Variants in HOOK1 observed in about 807,000 individuals in gnomAD.
The protein encoded by HOOK1 is protein Hook homolog 1.
A neutral mutation model predicts 112.8 loss-of-function variants in HOOK1; 60 were observed. The ratio of observed to expected loss-of-function variants is 0.53; its 90% CI spans 0.43 to 0.66. The LOEUF is 0.66. HOOK1 is among the 30% of genes least tolerant of loss of function. HOOK1 has a pLI of 0.00. For missense variants in HOOK1, 770 were observed against 856.0 expected, an observed-to-expected ratio of 0.90 and a Z score of 1.25; for synonymous variants, 294 against 283.8, an observed-to-expected ratio of 1.04 and a Z score of -0.36.
At position 59,875,046 on chromosome 1, in the gene HOOK1, AT is replaced by A. The variant is rs1168137857; in HGVS notation, c.*2082del. 1.3e-5 allele frequency: 2 copies of A among 152,548 alleles called. No individual in the cohort carries two copies. Among genetic ancestry groups the A allele is most frequent in the Admixed American group, 1.3e-4 (2 of 15,274 alleles). 9.4% of individuals were successfully genotyped at this position (152,548 alleles called of 1,614,324 possible). ...AATAAGCCTTTGAAAATATTTTAGCATGGTATTTAACATTTTCTAAATATTA... is the reference window on the plus strand; with the variant it reads ...AATAAGCCTTTGAAAATATTTTAGCAGGTATTTAACATTTTCTAAATATTA... On this transcript the variant is annotated 3_prime_UTR_variant, in exon 22 of 22. Coordinates refer to ENST00000371208, the MANE Select transcript of HOOK1 (RefSeq NM_015888.6).
intron 4 of HOOK1, among the ~76,000 whole-genome samples, chr1:59,832,921 T>C (rs979812250): frequency 1.3e-5 from 2 of 152,094 alleles, no homozygotes; most frequent in African/African-American, 4.8e-5. Flanking sequence ...AAGAACCCTT[T>C]TAATCAGCTA....
intron 12 of HOOK1, among the ~76,000 whole-genome samples, chr1:59,851,455 T>G (rs1391629649): frequency 1.3e-5 from 2 of 151,632 alleles, no homozygotes; most frequent in African/African-American, 4.8e-5. Flanking sequence ...CAATATCATT[T>G]TTGGATTTGT....
At position 59,873,187 on chromosome 1, in the gene HOOK1, G is replaced by A; in HGVS notation, c.*222G>A. 1 of 359,176 alleles carries A rather than the reference G, an allele frequency of 2.8e-6. No homozygotes were observed. The allele number at this position is 359,176 out of a possible 1,614,324, so 22.2% of individuals were successfully genotyped here. A position where few individuals can be genotyped will look rare whatever the true frequency, so the allele number is the denominator to read the frequency against. On this transcript the variant is annotated 3_prime_UTR_variant, in exon 22 of 22. Transcript: ENST00000371208. ...GAGGGAGCACATTTGAATAATTGGA[G>A]ATGCAGTTATACACACATTTCAAAC...
At chr1:59,853,374 T>C (rs2098408295) in intron 12 of HOOK1, among the ~76,000 whole-genome samples, 1 of 152,088 alleles carries the variant, frequency 6.6e-6, no homozygotes, top group Admixed American at 6.6e-5. Context: ...TTACAATATT[T>C]ATCTTAAAGT....
chr1:59,816,222 A>G (rs775761094), intron 1 of HOOK1, among the ~76,000 whole-genome samples: 2 of 152,228 alleles, frequency 1.3e-5, no homozygotes. Context: ...ATCTAGGTTT[A>G]TGGAAATGTG....
intron 2 of HOOK1, among the ~76,000 whole-genome samples, chr1:59,823,703 G>T (rs2098387650): frequency 6.6e-6 from 1 of 152,186 alleles, no homozygotes; most frequent in South Asian, 2.1e-4. Flanking sequence ...CTATGCTCTA[G>T]CACTGGACCT....
chr1:59,847,790 G>A (rs930226545), intron 10 of HOOK1, among the ~76,000 whole-genome samples: 6 of 151,644 alleles, frequency 4.0e-5, no homozygotes, highest in Admixed American at 2.0e-4. Flanking sequence ...ACCTGCTTGC[G>A]ATAGTGAAGT....
At chr1:59,865,277 C>G (rs1451027066) in intron 18 of HOOK1, 32 bp downstream of exon 18, 1 of 1,323,788 alleles carries the variant, frequency 7.6e-7, no homozygotes, top group South Asian at 1.2e-5. Context: ...GATCAGACAA[C>G]AGTATATCTA....
At chr1:59,829,804 T>G (rs1205352166) in intron 3 of HOOK1, among the ~76,000 whole-genome samples, 3 of 152,068 alleles carry the variant, frequency 2.0e-5, no homozygotes, top group Non-Finnish European at 4.4e-5. Flanking sequence ...TTTTCTTGCT[T>G]CTTAAGGTGG....
Position 59,873,063 on chromosome 1 carries a change from G to T in HOOK1, c.*98G>T. ...CAACTAACTACCAGATTGAAAAAGA[G>T]TTTATGATGCGGGATATCAGGTATT... On this transcript the variant is annotated 3_prime_UTR_variant, in exon 22 of 22. Coordinates refer to ENST00000371208, the MANE Select transcript of HOOK1 (RefSeq NM_015888.6). The T allele has an allele frequency of 1.0e-6, 1 of 967,060 alleles. No homozygotes were observed. Among genetic ancestry groups the T allele is most frequent in the South Asian group, 3.9e-5 (1 of 25,594 alleles). The allele number at this position is 967,060 out of a possible 1,614,324, so 59.9% of individuals were successfully genotyped here. A position where few individuals can be genotyped will look rare whatever the true frequency, so the allele number is the denominator to read the frequency against.
At position 59,855,382 on chromosome 1, in the gene HOOK1, G is replaced by A. The variant is rs112270611; in HGVS notation, c.1243-3046G>A. On this transcript the variant is annotated intron_variant, in intron 12 of 21. Transcript: ENST00000371208. Reference sequence around the variant, plus strand: ...TAGCTTCCACTTGTGAGAACACGTGGTATTTGGTTTTCTGTTCCTGTGTTA... The same window carrying A: ...TAGCTTCCACTTGTGAGAACACGTGATATTTGGTTTTCTGTTCCTGTGTTA... 7.1e-3 allele frequency among the ~76,000 whole-genome samples: 1,081 copies of A among 152,240 alleles called. 7 individuals carry two copies. Among genetic ancestry groups the A allele is most frequent in the Middle Eastern group, 0.034 (10 of 294 alleles).
intron 20 of HOOK1, among the ~76,000 whole-genome samples, chr1:59,870,630 G>A (rs77789279): frequency 0.016 from 2,505 of 152,104 alleles, 81 homozygotes; most frequent in African/African-American, 0.058. Flanking sequence ...AACTTTATAG[G>A]CAACTTAAAA....
intron 11 of HOOK1, 127 bp downstream of exon 11, chr1:59,848,643 A>G: frequency 3.3e-6 from 2 of 613,478 alleles, no homozygotes; most frequent in Non-Finnish European, 5.5e-6. Context: ...ACTTATTCTG[A>G]TGAATTTCTT....
chr1:59,836,724 A>G (rs1029577920), intron 6 of HOOK1, 149 bp from the exon 7 acceptor site: 8 of 479,622 alleles, frequency 1.7e-5, no homozygotes, highest in Middle Eastern at 5.5e-4. Context: ...GGCTCTAATA[A>G]AGTTTTTATC....
intron 15 of HOOK1, among the ~76,000 whole-genome samples, chr1:59,861,893 G>T (rs1486249438): frequency 6.6e-6 from 1 of 152,094 alleles, no homozygotes; most frequent in African/African-American, 2.4e-5. Flanking sequence ...GTTAAAAGAA[G>T]AATAACAATT....
At chr1:59,848,933 AG>A (rs1295932922) in intron 11 of HOOK1, 139 bp from the exon 12 acceptor site, 1 of 476,954 alleles carries the variant, frequency 2.1e-6, no homozygotes, top group East Asian at 3.3e-5. Context: ...ATTTTCCACA[AG>A]TATTTAAAAT....
chr1:59,862,176 T>A (rs2098413979), intron 15 of HOOK1, among the ~76,000 whole-genome samples: 1 of 152,046 alleles, frequency 6.6e-6, no homozygotes, highest in Non-Finnish European at 1.5e-5. Flanking sequence ...ACTGCAACAG[T>A]GGAATATTAT....
intron 7 of HOOK1, among the ~76,000 whole-genome samples, chr1:59,838,325 T>A (rs1208549623): frequency 6.6e-6 from 1 of 152,154 alleles, no homozygotes; most frequent in African/African-American, 2.4e-5. Context: ...TGTAAAAGCG[T>A]TCCTATTTTT....
intron 12 of HOOK1, among the ~76,000 whole-genome samples, chr1:59,856,108 C>T (rs534037169): frequency 8.7e-4 from 112 of 129,438 alleles, no homozygotes; most frequent in African/African-American, 3.1e-3. Flanking sequence ...GTTTGTTTTG[C>T]TTTGCTTTTT....
Sources: gnomAD v4.1 joint callset for allele counts (sites outside exome capture counted in the v4.1 genomes callset) on GRCh38, gnomAD v4.1.1 for gene constraint, MANE v1.5 for transcripts, NCBI Gene and HGNC (gene_info 2026-07-23, HGNC 2026-07-21) for gene names.